Variants in AP4E1 observed in about 807,000 individuals in gnomAD.
AP4E1 encodes the protein AP-4 complex subunit epsilon-1.
Under a neutral mutation model 128.2 loss-of-function variants are expected in AP4E1, and 56 were observed. The ratio of observed to expected loss-of-function variants is 0.44; its 90% CI spans 0.35 to 0.55. The LOEUF (loss-of-function observed/expected upper bound fraction) is 0.55. Among genes scored for constraint, AP4E1 ranks in the 20% least tolerant of loss-of-function variants. The pLI is 0.00. For missense variants in AP4E1, 1,324 were observed against 1,307.7 expected (o/e 1.01, Z -0.19); for synonymous variants, 484 against 473.1 (o/e 1.02, Z -0.30).
chr15:50,968,270 C>A lies in AP4E1; in HGVS notation c.1859C>A (p.Ala620Asp). 1.2e-6 allele frequency: 2 copies of A among 1,611,282 alleles called. No homozygotes were observed. Among genetic ancestry groups the A allele is most frequent in the Non-Finnish European group, 1.7e-6 (2 of 1,178,142 alleles). ...DRSCEDLVVD[A>D]SLSFLDGFVA... ...TGCTTAATTTTAATATAGGTAGATG[C>A]TTCTTTATCTTTTCTGGATGGTTTT... Residue 620 changes from alanine to aspartate, a missense_variant, in exon 15 of 21, where the codon GCT (alanine) becomes GAT (aspartate). By Grantham distance (126) the Ala-to-Asp change is moderately radical (BLOSUM62 -2). Coordinates refer to ENST00000261842, the MANE Select transcript of AP4E1 (RefSeq NM_007347.5).
intron 18 of AP4E1, 49 bp from the exon 19 acceptor site, chr15:50,999,023 C>G (rs1595584754): frequency 6.5e-7 from 1 of 1,538,760 alleles, no homozygotes; most frequent in Non-Finnish European, 9.0e-7. Flanking sequence ...ATGTAATAGT[C>G]TGTATTGATC....
rs757538804 is a variant in AP4E1, at chr15:50,941,639, C to T, written c.1067-27C>T. 1.9e-6 allele frequency: 3 copies of T among 1,611,764 alleles called. No individual in the cohort carries two copies. In the East Asian group the frequency reaches 6.7e-5, roughly 36 times the overall value. On this transcript the variant is annotated intron_variant, in intron 9 of 20. Coordinates refer to ENST00000261842, the MANE Select transcript of AP4E1 (RefSeq NM_007347.5). ...TTTGCTGTGTATTTGTTTCAATTCA[C>T]TTTGTATAATGTGTCTTTGTTTCTA...
intron 14 of AP4E1, among the ~76,000 whole-genome samples, chr15:50,967,533 A>G (rs2064409999): frequency 6.6e-6 from 1 of 152,192 alleles, no homozygotes; most frequent in African/African-American, 2.4e-5. Flanking sequence ...CAAAGCCTTG[A>G]TTTTAGCCCC....
chr15:50,945,959 T>C (rs113244470), intron 10 of AP4E1: 2 of 1,295,614 alleles, frequency 1.5e-6, no homozygotes, highest in Non-Finnish European at 1.1e-6. Flanking sequence ...GTGCCAATTG[T>C]GTCAGAGAAG....
chr15:50,947,325 A>G (rs2064075405), intron 10 of AP4E1, among the ~76,000 whole-genome samples: 1 of 149,738 alleles, frequency 6.7e-6, no homozygotes, highest in Non-Finnish European at 1.5e-5. Flanking sequence ...CTGAGGTGGG[A>G]GGATTGCTTG....
At chr15:50,982,167 T>C (rs978475073) in intron 15 of AP4E1, among the ~76,000 whole-genome samples, 2 of 148,310 alleles carry the variant, frequency 1.3e-5, no homozygotes, top group Non-Finnish European at 3.0e-5. Flanking sequence ...CCTTTCACCA[T>C]GGGATGATGC....
intron 2 of AP4E1, among the ~76,000 whole-genome samples, chr15:50,912,723 C>T (rs1460413770): frequency 1.3e-5 from 2 of 149,900 alleles, no homozygotes; most frequent in Admixed American, 6.7e-5. Context: ...AGTGGCGTGG[C>T]GTGATCTCAG....
At chr15:50,965,923 T>G (rs534173624) in intron 14 of AP4E1, among the ~76,000 whole-genome samples, 1 of 152,116 alleles carries the variant, frequency 6.6e-6, no homozygotes, top group African/African-American at 2.4e-5. Flanking sequence ...TAGAAAACTT[T>G]CTTTTTTTTT....
intron 1 of AP4E1, among the ~76,000 whole-genome samples, chr15:50,909,257 G>T (rs1044887876): frequency 6.6e-6 from 1 of 152,250 alleles, no homozygotes; most frequent in African/African-American, 2.4e-5. Context: ...TGTTTGTTTT[G>T]AGGATTGGGT....
chr15:50,912,962 C>T (rs1476952490), intron 2 of AP4E1, among the ~76,000 whole-genome samples: 1 of 152,120 alleles, frequency 6.6e-6, no homozygotes, highest in Non-Finnish European at 1.5e-5. Flanking sequence ...AGCCACCGTG[C>T]CTGGCCTGAT....
intron 13 of AP4E1, among the ~76,000 whole-genome samples, chr15:50,951,490 TTACC>T: frequency 6.6e-6 from 1 of 152,336 alleles, no homozygotes; most frequent in Admixed American, 6.5e-5. Flanking sequence ...ATACAGGTCA[TTACC>T]TTTATGTATT....
rs964001665 is a variant in AP4E1, at chr15:50,948,232, A to G, written c.1316+73A>G. The G allele has an allele frequency of 1.1e-5, 17 of 1,558,166 alleles. No individual in the cohort carries two copies. In the African/African-American group the frequency reaches 1.8e-4, roughly 16 times the overall value. On this transcript the variant is annotated intron_variant, in intron 11 of 20. Coordinates refer to ENST00000261842, the MANE Select transcript of AP4E1 (RefSeq NM_007347.5). ...TGACTTTAAGATGATTGGTATAGAT[A>G]TGGTCACTTGCAAGTCGAGTTCAGA...
At chr15:50,921,918 G>A (rs1234856716) in intron 3 of AP4E1, among the ~76,000 whole-genome samples, 1 of 151,946 alleles carries the variant, frequency 6.6e-6, no homozygotes, top group African/African-American at 2.4e-5. Context: ...AGGTTTCATT[G>A]AGATGGTCTT....
At chr15:50,981,053 C>T (rs2064636793) in intron 15 of AP4E1, among the ~76,000 whole-genome samples, 1 of 152,150 alleles carries the variant, frequency 6.6e-6, no homozygotes, top group South Asian at 2.1e-4. Flanking sequence ...CAGAGAGTCC[C>T]CACCAGGGCA....
At chr15:50,925,305 C>T in intron 5 of AP4E1, 86 bp downstream of exon 5, 1 of 1,376,456 alleles carries the variant, frequency 7.3e-7, no homozygotes, top group South Asian at 1.2e-5. Context: ...AACTTCAGTG[C>T]TACCAGGATA....
chr15:50,959,089 T>C (rs1419990691), intron 14 of AP4E1, among the ~76,000 whole-genome samples: 1 of 152,024 alleles, frequency 6.6e-6, no homozygotes, highest in Non-Finnish European at 1.5e-5. Flanking sequence ...TACATGCCTG[T>C]AATCCCAGCT....
chr15:50,948,223 G>A, intron 11 of AP4E1, 64 bp downstream of exon 11: 3 of 1,584,556 alleles, frequency 1.9e-6, no homozygotes, highest in South Asian at 2.2e-5. Flanking sequence ...TAAGATGATT[G>A]GTATAGATAT....
chr15:50,950,301 C>T (rs1345390856), intron 13 of AP4E1, 132 bp downstream of exon 13: 1 of 625,576 alleles, frequency 1.6e-6, no homozygotes. Flanking sequence ...AAATGGCCAC[C>T]ATCTATCACT....
chr15:50,945,191 A>G (rs986027956), intron 10 of AP4E1: 8 of 858,354 alleles, frequency 9.3e-6, no homozygotes, highest in African/African-American at 8.2e-5. Context: ...GTGGACAGCA[A>G]GTAGACATTT....
Sources: allele counts gnomAD v4.1 joint callset (sites outside exome capture counted in the v4.1 genomes callset), GRCh38; gene constraint gnomAD v4.1.1; transcripts MANE v1.5; gene names NCBI Gene and HGNC (gene_info 2026-07-23, HGNC 2026-07-21).